CNBD1: variants seen among roughly 807,000 people sequenced by gnomAD.
CNBD1 encodes cyclic nucleotide binding domain containing 1.
Under a neutral mutation model 54.4 loss-of-function variants are expected in CNBD1, and 71 were observed. The observed-to-expected ratio is 1.30, with a 90% CI of 1.08 to 1.59. CNBD1 has a LOEUF of 1.59. CNBD1 is among the 40% of genes most tolerant of loss of function. CNBD1 has a pLI of 0.00. For synonymous variants in CNBD1, 182 were observed against 170.7 expected, an observed-to-expected ratio of 1.07 and a Z score of -0.51; for missense variants, 659 against 518.0, an observed-to-expected ratio of 1.27 and a Z score of -2.64.
chr8:87,016,032 C>G (rs1809349780), intron 4 of CNBD1, among the ~76,000 whole-genome samples: 1 of 145,964 alleles, frequency 6.9e-6, no homozygotes, highest in Non-Finnish European at 1.5e-5. Flanking sequence ...TGTTATACCT[C>G]TATCTTTATA....
intron 4 of CNBD1, among the ~76,000 whole-genome samples, chr8:87,068,952 G>C (rs1810708248): frequency 6.6e-6 from 1 of 152,038 alleles, no homozygotes; most frequent in South Asian, 2.1e-4. Context: ...CAGTGCCTAT[G>C]AATAGAGCAA....
chr8:86,922,798 T>TCTGC (rs1809295729), intron 3 of CNBD1, among the ~76,000 whole-genome samples: 3 of 152,228 alleles, frequency 2.0e-5, no homozygotes, highest in Non-Finnish European at 4.4e-5. Flanking sequence ...GGTGAATTGC[T>TCTGC]CTGCCTGGTA....
Position 87,391,366 on chromosome 8 carries a change from C to G in CNBD1, c.214-37180C>G, listed in dbSNP as rs534617945. Among the ~76,000 whole-genome samples, 7 of 152,150 alleles carry G rather than the reference C, an allele frequency of 4.6e-5. No homozygotes were observed. In the South Asian group the frequency reaches 1.4e-3, roughly 32 times the overall value. On this transcript the variant is annotated intron_variant, in intron 2 of 7. Transcript: ENST00000521593. ...ATTTTCAGAAAGCCACAAGCTAATC[C>G]TAAAATTCGTATGGAAACACAAGAG...
chr8:87,260,802 A>T lies in CNBD1; in HGVS notation c.771+23690A>T, dbSNP rs367545144. On this transcript the variant is annotated intron_variant, in intron 6 of 10. Coordinates refer to ENST00000518476, the MANE Select transcript of CNBD1 (RefSeq NM_173538.3). ...TCTACTATAAGTTATCTTTAGTAAGATTTTGTCATTTCTGTAAGACTTTAC... is the reference window on the plus strand; with the variant it reads ...TCTACTATAAGTTATCTTTAGTAAGTTTTTGTCATTTCTGTAAGACTTTAC... Among the ~76,000 whole-genome samples the T allele has an allele frequency of 3.3e-5, 5 of 151,908 alleles. No homozygotes were observed. In the East Asian group the frequency reaches 7.8e-4, roughly 24 times the overall value.
chr8:87,210,946 C>T (rs1458168867), intron 5 of CNBD1, among the ~76,000 whole-genome samples: 3 of 152,266 alleles, frequency 2.0e-5, no homozygotes, highest in Admixed American at 2.0e-4. Context: ...TGGCAGCTTG[C>T]ACTCTGCACC....
chr8:87,409,407 A>G (rs1807703966), intron 2 of CNBD1, among the ~76,000 whole-genome samples: 1 of 152,188 alleles, frequency 6.6e-6, no homozygotes, highest in African/African-American at 2.4e-5. Flanking sequence ...CATGAGCTTT[A>G]AGGAAAGAAG....
At chr8:86,950,044 C>T (rs1403840846) in intron 4 of CNBD1, among the ~76,000 whole-genome samples, 1 of 102,334 alleles carries the variant, frequency 9.8e-6, no homozygotes, top group African/African-American at 3.9e-5. Context: ...GCAACCTCTG[C>T]CTCCCGGGTT....
chr8:87,417,464 C>T (rs1055253120), intron 2 of CNBD1, among the ~76,000 whole-genome samples: 6 of 151,928 alleles, frequency 3.9e-5, no homozygotes, highest in African/African-American at 1.4e-4. Context: ...AAGGGAATTT[C>T]CTCAACCTGG....
chr8:87,287,813 G>T (rs969362772), intron 8 of CNBD1, among the ~76,000 whole-genome samples: 1 of 151,820 alleles, frequency 6.6e-6, no homozygotes, highest in Non-Finnish European at 1.5e-5. Flanking sequence ...AACCTTTCTC[G>T]TATTTCTTCC....
intron 8 of CNBD1, among the ~76,000 whole-genome samples, chr8:87,314,900 T>A (rs1351880459): frequency 6.6e-6 from 1 of 152,012 alleles, no homozygotes; most frequent in Non-Finnish European, 1.5e-5. Flanking sequence ...ACAGAACTTG[T>A]TCTTGGATAG....
At chr8:87,309,697 C>A (rs1232053815) in intron 8 of CNBD1, among the ~76,000 whole-genome samples, 3 of 152,046 alleles carry the variant, frequency 2.0e-5, no homozygotes, top group Non-Finnish European at 2.9e-5. Flanking sequence ...ACATATAAAT[C>A]TGTATTTATG....
At chr8:87,130,516 C>T (rs1181817462) in intron 4 of CNBD1, among the ~76,000 whole-genome samples, 1 of 152,044 alleles carries the variant, frequency 6.6e-6, no homozygotes, top group African/African-American at 2.4e-5. Flanking sequence ...GTGGTTCACA[C>T]CTCTAATTCT....
chr8:87,227,084 A>G (rs1259876309), intron 5 of CNBD1, among the ~76,000 whole-genome samples: 1 of 151,494 alleles, frequency 6.6e-6, no homozygotes, highest in Non-Finnish European at 1.5e-5. Flanking sequence ...TTTGTTTTCC[A>G]TTGGCTTGGT....
chr8:87,058,092 C>T (rs1810460995), intron 4 of CNBD1, among the ~76,000 whole-genome samples: 1 of 151,916 alleles, frequency 6.6e-6, no homozygotes, highest in African/African-American at 2.4e-5. Flanking sequence ...TTGACCAAAA[C>T]AAAAAGACTA....
At chr8:87,318,490 C>T (rs896504325) in intron 8 of CNBD1, among the ~76,000 whole-genome samples, 2 of 152,044 alleles carry the variant, frequency 1.3e-5, no homozygotes, top group East Asian at 1.9e-4. Flanking sequence ...ATACACCATA[C>T]GTTTTGAAGG....
rs550004900 is a variant in CNBD1 at position 87,012,458 on chromosome 8, A to C, written c.431+72704A>C. ...ACAAGGAAAAAAATATTTAACCCAAAATATATTTCCTTACCATACCTTAAC... is the reference window on the plus strand; with the variant it reads ...ACAAGGAAAAAAATATTTAACCCAACATATATTTCCTTACCATACCTTAAC... On this transcript the variant is annotated intron_variant, in intron 4 of 10. Transcript: ENST00000518476. Among the ~76,000 whole-genome samples the C allele has an allele frequency of 4.5e-4, 68 of 152,308 alleles. No homozygotes were observed. In the South Asian group the frequency reaches 0.014, roughly 32 times the overall value.
intron 2 of CNBD1, among the ~76,000 whole-genome samples, chr8:87,427,053 G>A (rs1391815135): frequency 6.6e-6 from 1 of 152,102 alleles, no homozygotes; most frequent in Non-Finnish European, 1.5e-5. Context: ...GATTATGGAA[G>A]CATTGAACAG....
intron 4 of CNBD1, among the ~76,000 whole-genome samples, chr8:87,007,799 T>G (rs1409307227): frequency 6.6e-6 from 1 of 152,228 alleles, no homozygotes; most frequent in Non-Finnish European, 1.5e-5. Context: ...TTGTTTTTAC[T>G]AAATTTACTA....
intron 4 of CNBD1, among the ~76,000 whole-genome samples, chr8:87,174,151 G>C (rs990808609): frequency 1.3e-5 from 2 of 151,968 alleles, no homozygotes; most frequent in East Asian, 1.9e-4. Context: ...GTAGAGATGG[G>C]GTTTCACCAT....
Sources: gnomAD v4.1 joint callset for allele counts (sites outside exome capture counted in the v4.1 genomes callset) on GRCh38, gnomAD v4.1.1 for gene constraint, MANE v1.5 for transcripts, NCBI Gene and HGNC (gene_info 2026-07-23, HGNC 2026-07-21) for gene names.